The following GALNT14 variants were observed in gnomAD, a reference collection of about 807,000 sequenced individuals.
GALNT14 encodes UDP-GalNAc:polypeptide N-acetylgalactosaminyltransferase 14.
A neutral mutation model predicts 77.5 loss-of-function variants in GALNT14; 60 were observed. The ratio of observed to expected loss-of-function variants is 0.77; its 90% CI spans 0.63 to 0.96. The LOEUF is 0.96. Among genes scored for constraint, GALNT14 ranks in the 40% least tolerant of loss-of-function variants. The probability of loss-of-function intolerance (pLI) is 0.00; values close to 1 mark genes in which losing one functional copy is unlikely to be tolerated. For synonymous variants in GALNT14, 280 were observed against 281.7 expected (o/e 0.99, Z 0.06); for missense variants, 710 against 731.0 (o/e 0.97, Z 0.33).
intron 1 of GALNT14, among the ~76,000 whole-genome samples, chr2:31,057,081 G>A (rs574317939): frequency 1.3e-5 from 2 of 152,010 alleles, no homozygotes; most frequent in South Asian, 4.2e-4. Flanking sequence ...TAAACACTGG[G>A]TACTCATGGA....
At chr2:30,933,480 T>C (rs1665870007) in intron 9 of GALNT14, among the ~76,000 whole-genome samples, 1 of 152,108 alleles carries the variant, frequency 6.6e-6, no homozygotes, top group Non-Finnish European at 1.5e-5. Context: ...CCAGCCACCT[T>C]TACCTGTCAC....
At chr2:31,000,740 A>T (rs1427947604) in intron 1 of GALNT14, among the ~76,000 whole-genome samples, 1 of 152,182 alleles carries the variant, frequency 6.6e-6, no homozygotes, top group South Asian at 2.1e-4. Context: ...AAGTCTGCCA[A>T]TGTAAATGTT....
At chr2:30,958,315 C>A in intron 4 of GALNT14, 82 bp downstream of exon 4, 1 of 1,228,874 alleles carries the variant, frequency 8.1e-7, no homozygotes, top group Non-Finnish European at 1.2e-6. Context: ...TCCCAGAAAA[C>A]CAGTGGACTC....
chr2:31,135,480 T>A (rs568094400), intron 1 of GALNT14, among the ~76,000 whole-genome samples: 1 of 151,102 alleles, frequency 6.6e-6, no homozygotes, highest in Admixed American at 6.6e-5. Flanking sequence ...CAGAGCGACA[T>A]ACATACAAGG....
intron 1 of GALNT14, among the ~76,000 whole-genome samples, chr2:31,027,302 C>T (rs546525442): frequency 1.3e-5 from 2 of 152,040 alleles, no homozygotes; most frequent in South Asian, 4.2e-4. Flanking sequence ...CATGGTGGCA[C>T]ATGCCTTGGG....
intron 1 of GALNT14, among the ~76,000 whole-genome samples, chr2:31,131,220 G>C (rs1678977203): frequency 1.3e-5 from 2 of 152,206 alleles, no homozygotes. Context: ...AGCTAGAGAA[G>C]GTGGGACTCT....
intron 6 of GALNT14, among the ~76,000 whole-genome samples, chr2:30,946,417 C>A (rs761714368): frequency 6.6e-6 from 1 of 152,100 alleles, no homozygotes; most frequent in African/African-American, 2.4e-5. Context: ...CGAGTATGTT[C>A]TTCTTGTGAG....
intron 1 of GALNT14, among the ~76,000 whole-genome samples, chr2:31,016,391 G>C (rs189273490): frequency 1.3e-5 from 2 of 152,220 alleles, no homozygotes; most frequent in African/African-American, 4.8e-5. Context: ...GAGCTCCAAC[G>C]TATGAATGGT....
In GALNT14 at chr2:30,947,397, T is replaced by A. The variant is rs186387942; in HGVS notation, c.655-1527A>T. ...GGCCACCCCATCTACGGCATCAAAA[T>A]CATGCAGGAAACATTTTCAAAATAT... On this transcript the variant is annotated intron_variant, in intron 6 of 14. Coordinates refer to ENST00000349752, the MANE Select transcript of GALNT14 (RefSeq NM_024572.4). 2.6e-5 allele frequency among the ~76,000 whole-genome samples: 4 copies of A among 152,152 alleles called. No homozygotes were observed. The East Asian group carries it at 7.7e-4, about 29-fold the overall frequency.
intron 1 of GALNT14, among the ~76,000 whole-genome samples, chr2:31,050,685 G>T (rs548761315): frequency 1.3e-5 from 2 of 152,220 alleles, no homozygotes; most frequent in South Asian, 2.1e-4. Context: ...CAACGTCAGG[G>T]GGAACTGGGT....
At position 30,924,166 on chromosome 2, in the gene GALNT14, T is replaced by G. The variant is rs755284672; in HGVS notation, c.1333A>C (p.Lys445Gln). The change falls in exon 13 of 15, where the codon AAG (lysine) becomes CAG (glutamine). Residue 445 changes from lysine to glutamine, a missense_variant. By Grantham distance (53) the Lys-to-Gln change is moderately conservative (BLOSUM62 1). Transcript: ENST00000349752. ...TTGACCTTGGCACAGGGGCTCAACT[T>G]TAGGTTTGGGGTTTCTTGGTTGTTC... ...RQNNQETPNL[K>Q]LSPCAKVKGE... 6 of 1,614,018 alleles carry G rather than the reference T, an allele frequency of 3.7e-6. No homozygotes were observed. The highest frequency in any genetic ancestry group is 4.2e-6 in the Non-Finnish European group (5 of 1,180,020).
the GALNT14 span, among the ~76,000 whole-genome samples, chr2:30,893,928 T>C: frequency 1.3e-5 from 2 of 152,218 alleles, no homozygotes; most frequent in Admixed American, 6.5e-5. Flanking sequence ...AAAAGACAAT[T>C]TGAAAAATAT....
chr2:31,075,834 T>C (rs1435499214), intron 1 of GALNT14, among the ~76,000 whole-genome samples: 1 of 152,250 alleles, frequency 6.6e-6, no homozygotes, highest in Non-Finnish European at 1.5e-5. Context: ...TTTGCGACTC[T>C]GGGAAGTTCT....
At chr2:31,104,697 G>A (rs2148617831) in intron 1 of GALNT14, among the ~76,000 whole-genome samples, 1 of 152,244 alleles carries the variant, frequency 6.6e-6, no homozygotes, top group Admixed American at 6.5e-5. Flanking sequence ...CTTTCCTTCT[G>A]TAGAGCCTGT....
chr2:31,019,867 C>T (rs1244387773), intron 1 of GALNT14, among the ~76,000 whole-genome samples: 1 of 152,132 alleles, frequency 6.6e-6, no homozygotes, highest in Non-Finnish European at 1.5e-5. Flanking sequence ...TGTAAAAGTG[C>T]CTTAACAACT....
intron 9 of GALNT14, 55 bp downstream of exon 9, chr2:30,942,146 C>T: frequency 7.6e-7 from 1 of 1,319,276 alleles, no homozygotes; most frequent in Non-Finnish European, 1.1e-6. Context: ...GTCCCCGCCC[C>T]AATCCCCAGG....
At chr2:30,922,586 C>T (rs1226490527) in intron 13 of GALNT14, among the ~76,000 whole-genome samples, 1 of 152,216 alleles carries the variant, frequency 6.6e-6, no homozygotes, top group African/African-American at 2.4e-5. Context: ...TTCTTCCCTT[C>T]CCAACTTGGC....
the GALNT14 span, among the ~76,000 whole-genome samples, chr2:30,902,663 ATAAT>A: frequency 6.6e-6 from 1 of 152,166 alleles, no homozygotes; most frequent in Non-Finnish European, 1.5e-5. Context: ...GAAAACATAA[ATAAT>A]GTCACTTGTC....
At chr2:30,890,800 TGGAGGCATCAGGATACACA>T in the GALNT14 span, among the ~76,000 whole-genome samples, 73 of 152,316 alleles carry the variant, frequency 4.8e-4, no homozygotes, top group Middle Eastern at 0.014. Context: ...TCGCTGGACC[TGGAGGCATCAGGATACACA>T]GGAGGCATCA....
Sources: gnomAD v4.1 joint callset for allele counts (sites outside exome capture counted in the v4.1 genomes callset) on GRCh38, gnomAD v4.1.1 for gene constraint, MANE v1.5 for transcripts, NCBI Gene and HGNC (gene_info 2026-07-23, HGNC 2026-07-21) for gene names.